The following STK33 variants were observed in gnomAD, a reference collection of about 807,000 sequenced individuals.
The protein encoded by STK33 is serine/threonine kinase 33, also known as serine/threonine-protein kinase 33.
Under a neutral mutation model 58.0 loss-of-function variants are expected in STK33, and 52 were observed. The ratio of observed to expected loss-of-function variants is 0.90; its 90% CI spans 0.72 to 1.13. The LOEUF (loss-of-function observed/expected upper bound fraction) is 1.13, where lower values mean the gene tolerates loss of function less well. STK33 is among the 50% of genes most tolerant of loss of function. STK33 has a pLI of 0.00. For missense variants in STK33, 630 were observed against 604.2 expected (o/e 1.04, Z -0.45); for synonymous variants, 215 against 200.1 (o/e 1.07, Z -0.63).
chr11:8,405,946 T>C (rs886384329), intron 15 of STK33, among the ~76,000 whole-genome samples: 1 of 151,888 alleles, frequency 6.6e-6, no homozygotes, highest in African/African-American at 2.4e-5. Context: ...ATCGAGACCA[T>C]CCTGGCTAAC....
At chr11:8,496,417 G>A (rs573057401) in intron 1 of STK33, among the ~76,000 whole-genome samples, 17 of 152,140 alleles carry the variant, frequency 1.1e-4, no homozygotes, top group East Asian at 3.9e-4. Context: ...TTTATTCTCC[G>A]TCTGTTTTGT....
intron 5 of STK33, among the ~76,000 whole-genome samples, chr11:8,473,782 T>A (rs376183543): frequency 1.3e-5 from 2 of 152,014 alleles, no homozygotes; most frequent in African/African-American, 4.8e-5. Flanking sequence ...GAAGGCAAAA[T>A]TTTGAGGAAT....
At chr11:8,348,882 G>GA in the STK33 span, among the ~76,000 whole-genome samples, 43,260 of 150,270 alleles carry the variant, frequency 0.29, 6,284 homozygotes, top group South Asian at 0.42. Context: ...TAAGAAACTG[G>GA]AAAAAAAAAA....
chr11:8,571,607 G>A (rs952358139), intron 1 of STK33, among the ~76,000 whole-genome samples: 2 of 152,162 alleles, frequency 1.3e-5, no homozygotes, highest in Non-Finnish European at 2.9e-5. Context: ...GCTGAGGCGG[G>A]TGGATCACGA....
At chr11:8,532,042 G>C (rs1414498159) in intron 1 of STK33, among the ~76,000 whole-genome samples, 1 of 152,170 alleles carries the variant, frequency 6.6e-6, no homozygotes, top group Non-Finnish European at 1.5e-5. Flanking sequence ...TTTTAAAGAA[G>C]AGAAGTGTAA....
intron 1 of STK33, among the ~76,000 whole-genome samples, chr11:8,549,788 T>C (rs1956183382): frequency 6.6e-6 from 1 of 152,224 alleles, no homozygotes; most frequent in Non-Finnish European, 1.5e-5. Flanking sequence ...TGAGATTCTA[T>C]AATGATCCTT....
chr11:8,357,059 T>C, the STK33 span, among the ~76,000 whole-genome samples: 1 of 152,136 alleles, frequency 6.6e-6, no homozygotes, highest in Admixed American at 6.5e-5. Context: ...GCCCCAGCTG[T>C]CTCCCTCCTT....
intron 1 of STK33, among the ~76,000 whole-genome samples, chr11:8,482,729 T>C (rs1466217129): frequency 6.6e-6 from 1 of 151,896 alleles, no homozygotes; most frequent in Non-Finnish European, 1.5e-5. Context: ...TTTTTATTTA[T>C]TTATTTATTT....
chr11:8,503,301 G>A (rs1951647576), intron 1 of STK33, among the ~76,000 whole-genome samples: 1 of 152,176 alleles, frequency 6.6e-6, no homozygotes, highest in South Asian at 2.1e-4. Context: ...AAAAGAATAA[G>A]ATCATGTCTT....
At chr11:8,524,528 A>T (rs765984647) in intron 1 of STK33, among the ~76,000 whole-genome samples, 10 of 152,174 alleles carry the variant, frequency 6.6e-5, no homozygotes, top group South Asian at 2.1e-4. Context: ...TGTGCTCAAC[A>T]TCACTAATTA....
chr11:8,418,120 G>GGGGTAC (rs1282757650), intron 14 of STK33, among the ~76,000 whole-genome samples: 3 of 151,882 alleles, frequency 2.0e-5, no homozygotes, highest in Non-Finnish European at 2.9e-5. Context: ...TTTAGGTCCA[G>GGGGTAC]GGGTACCTGA....
chr11:8,547,929 G>A (rs534637290), intron 1 of STK33, among the ~76,000 whole-genome samples: 7 of 150,980 alleles, frequency 4.6e-5, no homozygotes, highest in South Asian at 4.2e-4. Flanking sequence ...ACCAAACACC[G>A]CATGTTCTCA....
chr11:8,390,758 G>A (rs889957241), downstream of STK33, among the ~76,000 whole-genome samples: 4 of 152,146 alleles, frequency 2.6e-5, no homozygotes, highest in Admixed American at 2.6e-4. Flanking sequence ...GTTATAAAAT[G>A]ACTTCATCTT....
chr11:8,490,489 G>C (rs1176413917), intron 1 of STK33, among the ~76,000 whole-genome samples: 1 of 152,204 alleles, frequency 6.6e-6, no homozygotes, highest in Non-Finnish European at 1.5e-5. Flanking sequence ...TCTGGGGGCA[G>C]GGCATAACTG....
At chr11:8,440,211 G>A (rs1361114366) in intron 12 of STK33, among the ~76,000 whole-genome samples, 2 of 152,166 alleles carry the variant, frequency 1.3e-5, no homozygotes, top group East Asian at 3.9e-4. Flanking sequence ...ACATCATTAT[G>A]GGAACTGGGA....
chr11:8,566,646 T>C (rs1957463237), intron 1 of STK33, among the ~76,000 whole-genome samples: 1 of 152,242 alleles, frequency 6.6e-6, no homozygotes, highest in Non-Finnish European at 1.5e-5. Context: ...CTTTTACTAC[T>C]ATAAAGATGA....
At chr11:8,495,254 AAAAC>A (rs1255691789) in intron 1 of STK33, among the ~76,000 whole-genome samples, 4 of 152,192 alleles carry the variant, frequency 2.6e-5, no homozygotes, top group South Asian at 4.1e-4. Flanking sequence ...TACAAGAAAA[AAAAC>A]AAACAACCCC....
the STK33 span, among the ~76,000 whole-genome samples, chr11:8,346,517 A>G: frequency 6.6e-6 from 1 of 152,174 alleles, no homozygotes; most frequent in African/African-American, 2.4e-5. Context: ...CCGGTGGCAG[A>G]TGGTGGCATG....
chr11:8,470,679 T>C (rs1406380147), intron 6 of STK33, among the ~76,000 whole-genome samples: 1 of 152,152 alleles, frequency 6.6e-6, no homozygotes, highest in Non-Finnish European at 1.5e-5. Context: ...CTTAAAACAC[T>C]GCAGGGTTAT....
Sources: allele counts gnomAD v4.1 joint callset (sites outside exome capture counted in the v4.1 genomes callset), GRCh38; gene constraint gnomAD v4.1.1; transcripts MANE v1.5; gene names NCBI Gene and HGNC (gene_info 2026-07-23, HGNC 2026-07-21).